NRXN2: variants seen among roughly 807,000 people sequenced by gnomAD.
NRXN2 encodes neurexin-2-beta.
Under a neutral mutation model 128.8 loss-of-function variants are expected in NRXN2, and 29 were observed. The ratio of observed to expected loss-of-function variants is 0.23; its 90% CI spans 0.17 to 0.31. NRXN2 has a LOEUF of 0.31. NRXN2 is among the 10% of genes least tolerant of loss of function. The probability of loss-of-function intolerance (pLI) is 1.00; values close to 1 mark genes in which losing one functional copy is unlikely to be tolerated. For missense variants in NRXN2, 1,881 were observed against 2,452.6 expected (o/e 0.77, Z 4.92); for synonymous variants, 1,098 against 1,075.2 (o/e 1.02, Z -0.41).
chr11:64,631,984 C>T lies in NRXN2; in HGVS notation c.3586-1411G>A, dbSNP rs2043978892. 6.6e-6 allele frequency among the ~76,000 whole-genome samples: 1 copy of T among 152,240 alleles called. No individual in the cohort carries two copies. The highest frequency in any genetic ancestry group is 2.1e-4 in the South Asian group (1 of 4,834). ...CCCAACCCATCATAGAAACACACTA[C>T]ACTCCTGGGGTCTTCTTGAAAGACT... On this transcript the variant is annotated intron_variant, in intron 18 of 22. Coordinates refer to ENST00000265459, the MANE Select transcript of NRXN2 (RefSeq NM_015080.4). This position sits in a 1 kb window ranked among gnomAD's most constrained non-coding sequence, Gnocchi z 4.8.
Position 64,713,346 on chromosome 11 carries a change from G to A in NRXN2, c.354C>T (p.Thr118=). 1 of 1,394,886 alleles carries A rather than the reference G, an allele frequency of 7.2e-7. No homozygotes were observed. Among genetic ancestry groups the A allele is most frequent in the Non-Finnish European group, 9.3e-7 (1 of 1,080,744 alleles). The allele number at this position is 1,394,886 out of a possible 1,614,324, so 86.4% of individuals were successfully genotyped here. Residue 118 remains threonine (T), a synonymous_variant, in exon 2 of 23, where the codon ACC becomes ACT. Coordinates refer to ENST00000265459, the MANE Select transcript of NRXN2 (RefSeq NM_015080.4). The part of the protein sequence containing the change: ...ADDRWHMVLL[T]RDARRTALAV... ...CCAGCGCCGTGCGGCGCGCGTCGCG[G>A]GTCAGCAGCACCATGTGCCAGCGGT... is the stretch of plus-strand genomic sequence containing the variant.
rs779618907 is a variant in NRXN2, at chr11:64,606,907, C to A, written c.*289G>T. On this transcript the variant is annotated 3_prime_UTR_variant, in exon 23 of 23. Transcript: ENST00000265459. ...CCCAACCCCACCAAAATAAAACTAC[C>A]CCCTTAAAAAAATAAATCAACCCAG... 6 of 408,218 alleles carry A rather than the reference C, an allele frequency of 1.5e-5. No homozygotes were observed. Among genetic ancestry groups the A allele is most frequent in the Non-Finnish European group, 2.7e-5 (6 of 225,454 alleles). 25.3% of individuals were successfully genotyped at this position (408,218 alleles called of 1,614,324 possible).
intron 3 of NRXN2, among the ~76,000 whole-genome samples, chr11:64,696,971 A>C (rs2054634438): frequency 6.6e-6 from 1 of 152,206 alleles, no homozygotes; most frequent in African/African-American, 2.4e-5. Context: ...AGAAACCCAG[A>C]GAGAGCCTGG....
intron 3 of NRXN2, among the ~76,000 whole-genome samples, chr11:64,696,873 G>A (rs901638236): frequency 2.6e-5 from 4 of 152,144 alleles, no homozygotes; most frequent in African/African-American, 9.7e-5. Context: ...TTCAAGCCAG[G>A]ACTACCTTCT....
At chr11:64,687,993 C>T (rs529739711) in intron 5 of NRXN2, among the ~76,000 whole-genome samples, 136 of 152,312 alleles carry the variant, frequency 8.9e-4, no homozygotes, top group Non-Finnish European at 1.6e-3. Flanking sequence ...GTACTAGTCC[C>T]ACCCAGAAGC....
intron 22 of NRXN2, among the ~76,000 whole-genome samples, chr11:64,610,336 T>A (rs2040424483): frequency 6.6e-6 from 1 of 152,142 alleles, no homozygotes; most frequent in Non-Finnish European, 1.5e-5. Context: ...CAGCTCGTTA[T>A]GGATAAGAAT....
chr11:64,690,334 C>T, intron 5 of NRXN2, 71 bp downstream of exon 5: 1 of 1,427,776 alleles, frequency 7.0e-7, no homozygotes, highest in Non-Finnish European at 9.7e-7. Context: ...ACTTGGCTTC[C>T]CCCCAGGAAG....
chr11:64,618,753 C>A (rs1375614783), intron 22 of NRXN2, among the ~76,000 whole-genome samples: 1 of 152,160 alleles, frequency 6.6e-6, no homozygotes, highest in Non-Finnish European at 1.5e-5. Context: ...GGCATCTGAC[C>A]CAGAAAGCAC....
chr11:64,651,965 C>T lies in NRXN2; in HGVS notation c.2536+70G>A. The T allele has an allele frequency of 6.3e-7, 1 of 1,599,508 alleles. No individual in the cohort carries two copies. Among genetic ancestry groups the T allele is most frequent in the Non-Finnish European group, 8.5e-7 (1 of 1,177,956 alleles). ...TAGGAATGGCAGCCCAGGCAGTAGTCACCAAGTAGAACAGGGCCAAGCATA... is the reference window on the plus strand; with the variant it reads ...TAGGAATGGCAGCCCAGGCAGTAGTTACCAAGTAGAACAGGGCCAAGCATA... On this transcript the variant is annotated intron_variant, in intron 13 of 22. Coordinates refer to ENST00000265459, the MANE Select transcript of NRXN2 (RefSeq NM_015080.4). The surrounding 1 kb of genome is among the most constrained non-coding windows in gnomAD (Gnocchi z 5.9).
At position 64,660,935 on chromosome 11, in the gene NRXN2, C is replaced by G. The variant is rs150758577; in HGVS notation, c.2003G>C (p.Arg668Pro). Residue 668 changes from arginine (R) to proline (P), a missense_variant, in exon 10 of 23, where the codon CGA (arginine) becomes CCA (proline). Around this residue, in one of 7 missense-constraint regions of NRXN2, gnomAD observed 997 missense variants for 1,240.8 expected, o/e 0.80. Coordinates refer to ENST00000265459, the MANE Select transcript of NRXN2 (RefSeq NM_015080.4). This position sits in a 1 kb window ranked among gnomAD's most constrained non-coding sequence, Gnocchi z 5.2. ...VRDLFIDGRS[R>P]DLRGLAEAQG... Reference sequence around the variant, plus strand: ...AGCCTCAGCCAGGCCCCGGAGGTCTCGGCTACGCCCATCTATGAAGAGGTC... The same window carrying G: ...AGCCTCAGCCAGGCCCCGGAGGTCTGGGCTACGCCCATCTATGAAGAGGTC... The G allele has an allele frequency of 1.1e-5, 18 of 1,613,688 alleles. No homozygotes were observed. Among genetic ancestry groups the G allele is most frequent in the Admixed American group, 1.7e-5 (1 of 60,004 alleles).
At position 64,661,039 on chromosome 11, in the gene NRXN2, C is replaced by T; in HGVS notation, c.1899G>A (p.Glu633=). The change falls in exon 10 of 23, where the codon GAG becomes GAA. Residue 633 remains glutamate, a synonymous_variant. Coordinates refer to ENST00000265459, the MANE Select transcript of NRXN2 (RefSeq NM_015080.4). The stretch of plus-strand genomic sequence containing the variant: ...GCAGGGGCAGGTCCACCCGGCCCCC[C>T]TCAGGGAGACCGCCCAGGTACAGCT... ...ESELYLGGLP[E]GGRVDLPLPP... 3 of 1,613,514 alleles carry T rather than the reference C, an allele frequency of 1.9e-6. 1 individual carries two copies. Among genetic ancestry groups the T allele is most frequent in the South Asian group, 1.1e-5 (1 of 91,076 alleles).
At chr11:64,715,964 G>A (rs2057292102) in intron 1 of NRXN2, among the ~76,000 whole-genome samples, 1 of 152,212 alleles carries the variant, frequency 6.6e-6, no homozygotes, top group Non-Finnish European at 1.5e-5. Context: ...CCAGGGCAGG[G>A]AAGGGGGCTC....
intron 4 of NRXN2, among the ~76,000 whole-genome samples, chr11:64,692,532 G>A (rs570804763): frequency 2.6e-5 from 4 of 152,294 alleles, no homozygotes; most frequent in East Asian, 3.9e-4. Flanking sequence ...CGCAAAAAAA[G>A]GGTGACTGGA....
At chr11:64,695,011 G>A (rs10792445) in intron 3 of NRXN2, among the ~76,000 whole-genome samples, 34,708 of 151,972 alleles carry the variant, frequency 0.23, 4,240 homozygotes, top group East Asian at 0.48. Context: ...CTGTCACCAC[G>A]GCAACCAGCT....
chr11:64,686,979 G>A (rs998183868), intron 5 of NRXN2, among the ~76,000 whole-genome samples: 1 of 152,196 alleles, frequency 6.6e-6, no homozygotes, highest in African/African-American at 2.4e-5. Context: ...ACAAGCCAGA[G>A]TGCAAGCAGA....
chr11:64,653,928 C>T (rs1422668983), intron 11 of NRXN2, among the ~76,000 whole-genome samples: 1 of 152,154 alleles, frequency 6.6e-6, no homozygotes, highest in East Asian at 1.9e-4. Context: ...GGCTCCAACC[C>T]TCCCCAGAGC....
chr11:64,654,824 C>G (rs1393415458), intron 11 of NRXN2, among the ~76,000 whole-genome samples: 1 of 152,184 alleles, frequency 6.6e-6, no homozygotes, highest in Non-Finnish European at 1.5e-5. Context: ...AGCAAGGGAG[C>G]TGGGTCCTCA....
At chr11:64,621,924 C>T (rs1340037598) in intron 21 of NRXN2, among the ~76,000 whole-genome samples, 2 of 152,132 alleles carry the variant, frequency 1.3e-5, no homozygotes, top group Admixed American at 6.5e-5. Flanking sequence ...CCTGCCCTAT[C>T]GCTAGGGCTT....
chr11:64,713,316 C>G lies in NRXN2; in HGVS notation c.384G>C (p.Val128=). 3.7e-6 allele frequency: 5 copies of G among 1,362,318 alleles called. No individual in the cohort carries two copies. Among genetic ancestry groups the G allele is most frequent in the Non-Finnish European group, 4.7e-6 (5 of 1,064,156 alleles). The allele number at this position is 1,362,318 out of a possible 1,614,324, so 84.4% of individuals were successfully genotyped here. A position where few individuals can be genotyped will look rare whatever the true frequency, so the allele number is the denominator to read the frequency against. ...TRDARRTALA[V]DGEARAAEVR... Reference sequence around the variant, plus strand: ...CCTCGGCGGCGCGGGCCTCGCCGTCCACCGCCAGCGCCGTGCGGCGCGCGT... The same window carrying G: ...CCTCGGCGGCGCGGGCCTCGCCGTCGACCGCCAGCGCCGTGCGGCGCGCGT... The change falls in exon 2 of 23, where the codon GTG becomes GTC. Residue 128 remains valine, a synonymous_variant. Coordinates refer to ENST00000265459, the MANE Select transcript of NRXN2 (RefSeq NM_015080.4).
Sources: allele counts gnomAD v4.1 joint callset (sites outside exome capture counted in the v4.1 genomes callset), GRCh38; gene constraint gnomAD v4.1.1; regional missense constraint gnomAD v4.1.1; non-coding constraint Gnocchi (gnomAD v3.1); transcripts MANE v1.5; gene names NCBI Gene and HGNC (gene_info 2026-07-23, HGNC 2026-07-21).